Variants in EPC1 observed in about 807,000 individuals in gnomAD.
EPC1 encodes enhancer of polycomb homolog 1.
EPC1 carries 12 observed loss-of-function variants against 98.4 expected under a neutral mutation model. That is an observed-to-expected ratio of 0.12 (90% CI 0.08 to 0.20). The LOEUF is 0.20. Among genes scored for constraint, EPC1 ranks in the 10% least tolerant of loss-of-function variants. The pLI is 1.00. For synonymous variants in EPC1, 357 were observed against 363.9 expected (o/e 0.98, Z 0.21); for missense variants, 729 against 990.5 (o/e 0.74, Z 3.54).
upstream of EPC1, among the ~76,000 whole-genome samples, chr10:32,351,600 G>A (rs1050239335): frequency 6.6e-6 from 1 of 151,826 alleles, no homozygotes; most frequent in Admixed American, 6.6e-5. Context: ...GGAGGTTGCA[G>A]TGAGCCGAGA....
At chr10:32,270,121 T>C in intron 13 of EPC1, among the ~76,000 whole-genome samples, 1 of 152,218 alleles carries the variant, frequency 6.6e-6, no homozygotes, top group South Asian at 2.1e-4. Context: ...TTCTTTCTCC[T>C]CTTTGCCCGA....
chr10:32,305,364 T>C (rs1170283064), intron 2 of EPC1, among the ~76,000 whole-genome samples: 1 of 152,240 alleles, frequency 6.6e-6, no homozygotes, highest in African/African-American at 2.4e-5. Context: ...TGTGACAGAA[T>C]GACCCACAGA....
At chr10:32,351,025 C>T (rs1033707250), upstream of EPC1, among the ~76,000 whole-genome samples, 10 of 152,028 alleles carry the variant, frequency 6.6e-5, no homozygotes, top group Non-Finnish European at 1.5e-5. Flanking sequence ...CTCAATAAAC[C>T]TTTTTAAAGC....
intron 1 of EPC1, among the ~76,000 whole-genome samples, chr10:32,356,167 C>G (rs1218409421): frequency 6.6e-6 from 1 of 152,164 alleles, no homozygotes; most frequent in Non-Finnish European, 1.5e-5. Context: ...GCTTTTATAA[C>G]ACGAGGAAGG....
chr10:32,339,359 C>T (rs909350583), intron 1 of EPC1, among the ~76,000 whole-genome samples: 34 of 152,000 alleles, frequency 2.2e-4, no homozygotes, highest in Non-Finnish European at 4.4e-5. Context: ...CTAGTAACTC[C>T]GAGTTTGATG....
At chr10:32,284,621 A>T in intron 10 of EPC1, 77 bp downstream of exon 10, 1 of 1,209,462 alleles carries the variant, frequency 8.3e-7, no homozygotes, top group Non-Finnish European at 1.2e-6. Context: ...AATGTAACAG[A>T]CCACATAGTC....
At chr10:32,376,955 A>G (rs1362952239) in intron 1 of EPC1, among the ~76,000 whole-genome samples, 1 of 152,188 alleles carries the variant, frequency 6.6e-6, no homozygotes, top group Middle Eastern at 3.2e-3. Context: ...ATAAACAGCT[A>G]AAATGTTTAC....
chr10:32,324,037 G>A (rs1440107159), intron 1 of EPC1, among the ~76,000 whole-genome samples: 2 of 152,038 alleles, frequency 1.3e-5, no homozygotes, highest in Non-Finnish European at 2.9e-5. Context: ...CTAGGTTCAC[G>A]TCATTCTCCT....
chr10:32,268,923 T>C lies in EPC1; in HGVS notation c.*140A>G. 3.0e-6 allele frequency: 2 copies of C among 659,292 alleles called. No individual in the cohort carries two copies. Among genetic ancestry groups the C allele is most frequent in the Non-Finnish European group, 2.6e-6 (1 of 381,192 alleles). The allele number at this position is 659,292 out of a possible 1,614,324, so 40.8% of individuals were successfully genotyped here. A position where few individuals can be genotyped will look rare whatever the true frequency, so the allele number is the denominator to read the frequency against. On this transcript the variant is annotated 3_prime_UTR_variant, in exon 14 of 14. Transcript: ENST00000319778. Reference sequence around the variant, plus strand: ...CAGTAAGAAAAGAAAAATTGAAGCATGAGAGATGAGCATTGCTGTCAAGTC... The same window carrying C: ...CAGTAAGAAAAGAAAAATTGAAGCACGAGAGATGAGCATTGCTGTCAAGTC...
At chr10:32,330,698 C>T (rs564980099) in intron 1 of EPC1, among the ~76,000 whole-genome samples, 1 of 152,036 alleles carries the variant, frequency 6.6e-6, no homozygotes, top group African/African-American at 2.4e-5. Flanking sequence ...GTAGTTAGGC[C>T]CCCAAATAAA....
Position 32,334,330 on chromosome 10 carries a change from G to A in EPC1, c.153+12433C>T, listed in dbSNP as rs542264596. Among the ~76,000 whole-genome samples the A allele has an allele frequency of 3.9e-5, 6 of 152,270 alleles. No individual in the cohort carries two copies. In the South Asian group the frequency reaches 1.2e-3, roughly 32 times the overall value. On this transcript the variant is annotated intron_variant, in intron 1 of 13. Transcript: ENST00000319778. The stretch of plus-strand genomic sequence containing the variant: ...CATATCGCTTTGGCTTTACAGGTCA[G>A]CAGGAATTGTACTTGAGAAGCTGTA...
intron 1 of EPC1, among the ~76,000 whole-genome samples, chr10:32,363,214 C>T (rs1373086476): frequency 6.6e-6 from 1 of 152,154 alleles, no homozygotes; most frequent in Non-Finnish European, 1.5e-5. Flanking sequence ...CCTGGGACTA[C>T]AGGCATGTGC....
In EPC1 at chr10:32,329,355, T is replaced by A. The variant is rs191999381; in HGVS notation, c.153+17408A>T. ...CAAATCAACCCAATGGATAGTGCAA[T>A]GCTAAAAACAGAACTTTGTTGCAAA... On this transcript the variant is annotated intron_variant, in intron 1 of 13. Transcript: ENST00000319778. Among the ~76,000 whole-genome samples the A allele has an allele frequency of 5.9e-5, 9 of 152,338 alleles. No homozygotes were observed. The East Asian group carries it at 1.7e-3, about 29-fold the overall frequency.
At position 32,286,689 on chromosome 10, in the gene EPC1, C is replaced by T; in HGVS notation, c.1391+5G>A. The T allele has an allele frequency of 6.2e-7, 1 of 1,613,606 alleles. No individual in the cohort carries two copies. The highest frequency in any genetic ancestry group is 8.5e-7 in the Non-Finnish European group (1 of 1,179,878). ...CCTTCTGCTAGGAATACAGAAATAC[C>T]TTACCTTCCACCGCGCCCAACCCGT... is the stretch of plus-strand genomic sequence containing the variant. On this transcript the variant is annotated splice_donor_5th_base_variant and intron_variant, in intron 9 of 13. Transcript: ENST00000319778.
intron 1 of EPC1, among the ~76,000 whole-genome samples, chr10:32,326,294 G>C (rs532679619): frequency 2.2e-4 from 34 of 152,250 alleles, no homozygotes; most frequent in Admixed American, 1.7e-3. Flanking sequence ...CCAATTGTAA[G>C]TCAAAGTGAC....
chr10:32,291,537 C>A (rs1389469241), intron 5 of EPC1: 5 of 376,326 alleles, frequency 1.3e-5, no homozygotes, highest in Non-Finnish European at 2.4e-5. Flanking sequence ...ATTAACCATG[C>A]TGTACATTAG....
At chr10:32,378,627 A>G in exon 1 of EPC1, 1 of 623,228 alleles carries the variant, frequency 1.6e-6, no homozygotes, top group Non-Finnish European at 2.7e-6. Context: ...TTGGTAAATA[A>G]AAAGTAATAC....
intron 1 of EPC1, among the ~76,000 whole-genome samples, chr10:32,376,300 A>C (rs1018942298): frequency 6.6e-6 from 1 of 152,068 alleles, no homozygotes; most frequent in Non-Finnish European, 1.5e-5. Context: ...ACACATGTTT[A>C]GTTTTCAGAG....
intron 10 of EPC1, among the ~76,000 whole-genome samples, chr10:32,275,420 T>C (rs1010659385): frequency 2.6e-5 from 4 of 151,876 alleles, no homozygotes; most frequent in African/African-American, 9.7e-5. Context: ...GATCACGAGG[T>C]CAGGAGTTCG....
Sources: gnomAD v4.1 joint callset for allele counts (sites outside exome capture counted in the v4.1 genomes callset) on GRCh38, gnomAD v4.1.1 for gene constraint, MANE v1.5 for transcripts, NCBI Gene and HGNC (gene_info 2026-07-23, HGNC 2026-07-21) for gene names.